Variants in NOX4 observed in about 807,000 individuals in gnomAD.
The protein encoded by NOX4 is NADPH oxidase 4.
In NOX4, 69 loss-of-function variants were observed where a neutral mutation model predicts 87.6. The observed-to-expected ratio is 0.79, with a 90% CI of 0.65 to 0.96. The LOEUF is 0.96. NOX4 is among the 40% of genes least tolerant of loss of function. The pLI, the probability that NOX4 is intolerant of heterozygous loss-of-function variation, is 0.00. For synonymous variants in NOX4, 275 were observed against 238.2 expected (o/e 1.15, Z -1.42); for missense variants, 680 against 681.5 (o/e 1.00, Z 0.02).
intron 7 of NOX4, among the ~76,000 whole-genome samples, chr11:89,430,626 A>G (rs319037): frequency 0.42 from 64,356 of 151,770 alleles, 14,016 homozygotes; most frequent in East Asian, 0.56. Flanking sequence ...AGAATAAAAT[A>G]CCTAGGAATC....
chr11:89,361,558 G>A (rs1036020233), intron 12 of NOX4, among the ~76,000 whole-genome samples: 2 of 151,910 alleles, frequency 1.3e-5, no homozygotes, highest in African/African-American at 4.8e-5. Context: ...CACCACTAAA[G>A]AATTTATACA....
At chr11:89,505,795 G>A in the NOX4 span, among the ~76,000 whole-genome samples, 1 of 151,792 alleles carries the variant, frequency 6.6e-6, no homozygotes, top group East Asian at 1.9e-4. Context: ...ACCATTAATT[G>A]GACTTTTGCT....
chr11:89,547,231 A>T, the NOX4 span, among the ~76,000 whole-genome samples: 1 of 151,980 alleles, frequency 6.6e-6, no homozygotes. Context: ...ATAGAATCAC[A>T]TGGGGGGGGA....
the NOX4 span, among the ~76,000 whole-genome samples, chr11:89,546,238 T>A: frequency 3.9e-5 from 6 of 152,292 alleles, no homozygotes; most frequent in East Asian, 1.2e-3. Context: ...AACTACTATA[T>A]TCCAGGCACT....
At chr11:89,327,478 C>G (rs1486311337) in intron 17 of NOX4, among the ~76,000 whole-genome samples, 1 of 152,094 alleles carries the variant, frequency 6.6e-6, no homozygotes, top group Non-Finnish European at 1.5e-5. Flanking sequence ...ATAATGGTAA[C>G]AAATTTCAAG....
the NOX4 span, among the ~76,000 whole-genome samples, chr11:89,504,377 T>C: frequency 4.0e-5 from 6 of 151,892 alleles, no homozygotes; most frequent in Admixed American, 1.3e-4. Flanking sequence ...TGGGACAAAA[T>C]AGACATGTTT....
intron 8 of NOX4, among the ~76,000 whole-genome samples, chr11:89,406,954 G>A (rs1372905918): frequency 6.6e-6 from 1 of 152,018 alleles, no homozygotes; most frequent in Non-Finnish European, 1.5e-5. Flanking sequence ...GATTCCAGGG[G>A]TTAGAGAATA....
the NOX4 span, among the ~76,000 whole-genome samples, chr11:89,525,021 A>T: frequency 6.6e-6 from 1 of 152,166 alleles, no homozygotes; most frequent in African/African-American, 2.4e-5. Context: ...ATGCAGATTA[A>T]AATTTCTGCT....
upstream of NOX4, among the ~76,000 whole-genome samples, chr11:89,492,497 A>G (rs12283460): frequency 3.2e-3 from 488 of 152,352 alleles, 4 homozygotes; most frequent in African/African-American, 0.011. Flanking sequence ...TACTTATTCC[A>G]ATTAATTTAA....
At chr11:89,332,623 T>A (rs1945522353) in intron 17 of NOX4, among the ~76,000 whole-genome samples, 1 of 151,916 alleles carries the variant, frequency 6.6e-6, no homozygotes, top group African/African-American at 2.4e-5. Context: ...ACATGGGAAT[T>A]TCTTGCAGCA....
At chr11:89,534,233 A>G in the NOX4 span, among the ~76,000 whole-genome samples, 1 of 152,314 alleles carries the variant, frequency 6.6e-6, no homozygotes, top group East Asian at 1.9e-4. Flanking sequence ...GCTTCCTGAT[A>G]CTTTGAGATT....
the NOX4 span, among the ~76,000 whole-genome samples, chr11:89,584,617 G>C: frequency 1.3e-5 from 2 of 152,110 alleles, no homozygotes; most frequent in Non-Finnish European, 2.9e-5. Context: ...TAAGCAGGCT[G>C]TGGTAACTAT....
chr11:89,398,419 C>A (rs979176925), intron 11 of NOX4, among the ~76,000 whole-genome samples: 1 of 151,930 alleles, frequency 6.6e-6, no homozygotes, highest in African/African-American at 2.4e-5. Context: ...GACAGTGATG[C>A]CCTCTCTCAC....
chr11:89,486,644 G>T (rs931469183), intron 2 of NOX4, among the ~76,000 whole-genome samples: 1 of 118,602 alleles, frequency 8.4e-6, no homozygotes. Flanking sequence ...ATATATATGT[G>T]TGTATATATG....
intron 2 of NOX4, chr11:89,488,962 C>A: frequency 1.4e-6 from 1 of 700,008 alleles, no homozygotes. Context: ...CTCTGGGTGC[C>A]CATCTGAAAT....
chr11:89,555,806 A>G, the NOX4 span, among the ~76,000 whole-genome samples: 1 of 152,298 alleles, frequency 6.6e-6, no homozygotes, highest in Non-Finnish European at 1.5e-5. Context: ...GCCGATATGT[A>G]TTATATGATA....
At chr11:89,408,095 T>G (rs1181109731) in intron 8 of NOX4, among the ~76,000 whole-genome samples, 1 of 152,158 alleles carries the variant, frequency 6.6e-6, no homozygotes, top group Non-Finnish European at 1.5e-5. Flanking sequence ...AAATTGTGTA[T>G]TTTAAAATTT....
At chr11:89,432,428 TA>T (rs1226337990) in intron 7 of NOX4, among the ~76,000 whole-genome samples, 1 of 152,062 alleles carries the variant, frequency 6.6e-6, no homozygotes, top group Non-Finnish European at 1.5e-5. Context: ...AAAATAATTT[TA>T]AGTCACATAT....
chr11:89,578,199 G>C, the NOX4 span, among the ~76,000 whole-genome samples: 1 of 145,702 alleles, frequency 6.9e-6, no homozygotes, highest in Non-Finnish European at 1.5e-5. Context: ...GTCTCGCTCT[G>C]TTGCCAGGCT....
Sources: gnomAD v4.1 joint callset for allele counts (sites outside exome capture counted in the v4.1 genomes callset) on GRCh38, gnomAD v4.1.1 for gene constraint, MANE v1.5 for transcripts, NCBI Gene and HGNC (gene_info 2026-07-23, HGNC 2026-07-21) for gene names.